DNAH14: variants seen among roughly 807,000 people sequenced by gnomAD.
The protein encoded by DNAH14 is axonemal beta dynein heavy chain 14.
A neutral mutation model predicts 520.9 loss-of-function variants in DNAH14; 478 were observed. The observed-to-expected ratio is 0.92, with a 90% CI of 0.85 to 0.99. The LOEUF (loss-of-function observed/expected upper bound fraction) is 0.99, where lower values mean the gene tolerates loss of function less well. Ranked by LOEUF, DNAH14 falls within the 50% of genes least tolerant of loss-of-function variation. The pLI is 0.00. For missense variants in DNAH14, 4,831 were observed against 5,234.5 expected, an observed-to-expected ratio of 0.92 and a Z score of 2.38; for synonymous variants, 1,581 against 1,757.2, an observed-to-expected ratio of 0.90 and a Z score of 2.51.
At chr1:225,381,344 C>T in intron 80 of DNAH14, 39 bp from the exon 81 acceptor site, 1 of 1,510,840 alleles carries the variant, frequency 6.6e-7, no homozygotes, top group Non-Finnish European at 8.8e-7. Flanking sequence ...TCTTTTTAAT[C>T]TGTAAAATAT....
At chr1:225,174,487 C>A (rs1378941349) in intron 36 of DNAH14, among the ~76,000 whole-genome samples, 1 of 152,092 alleles carries the variant, frequency 6.6e-6, no homozygotes, top group Non-Finnish European at 1.5e-5. Flanking sequence ...TTGCTACTGG[C>A]ATATAGAAAT....
At chr1:225,349,673 C>T (rs1217660081) in intron 71 of DNAH14, among the ~76,000 whole-genome samples, 2 of 151,908 alleles carry the variant, frequency 1.3e-5, no homozygotes, top group South Asian at 2.1e-4. Flanking sequence ...ATGAAGTAAA[C>T]GTGAAATCAA....
At chr1:225,382,956 A>G (rs965572780) in intron 81 of DNAH14, among the ~76,000 whole-genome samples, 11 of 152,236 alleles carry the variant, frequency 7.2e-5, no homozygotes, top group African/African-American at 2.7e-4. Context: ...GGCCATCACA[A>G]AAGACCATAT....
intron 49 of DNAH14, among the ~76,000 whole-genome samples, chr1:225,268,228 C>A (rs1326572785): frequency 6.6e-6 from 1 of 152,060 alleles, no homozygotes; most frequent in East Asian, 1.9e-4. Context: ...AGACAAAAAC[C>A]ACATGATTAT....
Position 225,123,556 on chromosome 1 carries a change from A to C in DNAH14, c.4196A>C (p.Asn1399Thr), listed in dbSNP as rs2077452964. Residue 1399 changes from asparagine (N) to threonine (T), a missense_variant, in exon 27 of 86, where the codon AAC (asparagine) becomes ACC (threonine). By Grantham distance (65) the Asn-to-Thr change is moderately conservative. Transcript: ENST00000682510. ...TTAAGTCAAGGGATTGAAGACTGGA[A>C]CTGCCAGATGTTTTCCCAATGGGTG... is the stretch of plus-strand genomic sequence containing the variant. ...KFLSQGIEDW[N>T]CQMFSQWVLS... 1.1e-5 allele frequency: 5 copies of C among 435,684 alleles called. No individual in the cohort carries two copies. Among genetic ancestry groups the C allele is most frequent in the Non-Finnish European group, 2.4e-5 (5 of 208,774 alleles). 27.0% of individuals were successfully genotyped at this position (435,684 alleles called of 1,614,324 possible). A position where few individuals can be genotyped will look rare whatever the true frequency, so the allele number is the denominator to read the frequency against.
chr1:225,169,314 G>C (rs1277518268), intron 36 of DNAH14, among the ~76,000 whole-genome samples: 8 of 151,524 alleles, frequency 5.3e-5, no homozygotes, highest in Non-Finnish European at 7.4e-5. Flanking sequence ...TTGACGAGTT[G>C]AGAGAAGAAG....
intron 37 of DNAH14, among the ~76,000 whole-genome samples, chr1:225,189,448 G>C (rs1474754681): frequency 2.0e-5 from 3 of 149,704 alleles, no homozygotes; most frequent in Non-Finnish European, 4.4e-5. Context: ...AGTAGGATTG[G>C]TGTTAATTCT....
intron 23 of DNAH14, among the ~76,000 whole-genome samples, chr1:225,103,232 C>T (rs2075683483): frequency 6.6e-6 from 1 of 152,168 alleles, no homozygotes; most frequent in South Asian, 2.1e-4. Flanking sequence ...GGGCTCTGTT[C>T]TGTTCCATTG....
intron 1 of DNAH14, among the ~76,000 whole-genome samples, chr1:224,939,052 G>T (rs978073580): frequency 2.6e-5 from 4 of 151,956 alleles, no homozygotes; most frequent in African/African-American, 7.3e-5. Context: ...AATGGAAAAA[G>T]AATAAATATA....
At chr1:225,265,799 G>C (rs985600795) in intron 48 of DNAH14, among the ~76,000 whole-genome samples, 5 of 151,944 alleles carry the variant, frequency 3.3e-5, no homozygotes, top group Admixed American at 2.0e-4. Context: ...GCCTACATAG[G>C]TAAACTTTAG....
intron 10 of DNAH14, among the ~76,000 whole-genome samples, chr1:225,008,557 G>A (rs76571131): frequency 0.055 from 8,000 of 146,008 alleles, 453 homozygotes; most frequent in East Asian, 0.23. Context: ...TTTCTCTATA[G>A]CATCTGTTTT....
intron 23 of DNAH14, among the ~76,000 whole-genome samples, chr1:225,101,212 A>G (rs1042245699): frequency 2.0e-5 from 3 of 151,416 alleles, no homozygotes; most frequent in African/African-American, 7.3e-5. Flanking sequence ...TTTTTAAAAT[A>G]TTGTTAGTTT....
chr1:225,176,297 A>G (rs1255598207), intron 36 of DNAH14, among the ~76,000 whole-genome samples: 2 of 152,014 alleles, frequency 1.3e-5, no homozygotes, highest in Non-Finnish European at 2.9e-5. Flanking sequence ...GTTTTATTTC[A>G]TTGTTCTCAG....
intron 27 of DNAH14, among the ~76,000 whole-genome samples, chr1:225,128,500 G>T (rs903404512): frequency 1.6e-4 from 25 of 152,180 alleles, no homozygotes; most frequent in African/African-American, 5.5e-4. Context: ...TGGGATGCAA[G>T]GCTGGTTCAA....
intron 15 of DNAH14, 81 bp downstream of exon 15, chr1:225,044,064 C>T (rs546988579): frequency 3.9e-6 from 3 of 769,744 alleles, no homozygotes; most frequent in South Asian, 3.7e-5. Flanking sequence ...ATGCCTTTAC[C>T]CAGGGATGTG....
chr1:225,119,408 TC>T, intron 26 of DNAH14, 114 bp downstream of exon 26: 1 of 664,800 alleles, frequency 1.5e-6, no homozygotes, highest in Admixed American at 4.0e-5. Flanking sequence ...GTGAGAAATA[TC>T]CAGAAAAGAA....
chr1:225,134,088 T>C (rs918640511), intron 27 of DNAH14, among the ~76,000 whole-genome samples: 1 of 152,168 alleles, frequency 6.6e-6, no homozygotes, highest in African/African-American at 2.4e-5. Flanking sequence ...ATCCTGAGAC[T>C]TTGCTGAAGT....
In DNAH14 at chr1:225,211,460, G is replaced by A. The variant is rs550232208; in HGVS notation, c.6439+4240G>A. Among the ~76,000 whole-genome samples the A allele has an allele frequency of 3.9e-5, 6 of 152,136 alleles. No individual in the cohort carries two copies. In the East Asian group the frequency reaches 9.7e-4, roughly 24 times the overall value. Reference sequence around the variant, plus strand: ...GCATTAGGATTAGAGAAAAAAGAATGAAAAGGAATGAACAAAGCCTCCAAG... The same window carrying A: ...GCATTAGGATTAGAGAAAAAAGAATAAAAAGGAATGAACAAAGCCTCCAAG... On this transcript the variant is annotated intron_variant, in intron 41 of 85. Transcript: ENST00000682510.
At chr1:225,362,580 A>G (rs1185979666) in intron 75 of DNAH14, among the ~76,000 whole-genome samples, 1 of 151,998 alleles carries the variant, frequency 6.6e-6, no homozygotes, top group African/African-American at 2.4e-5. Context: ...GTCTCAAAAA[A>G]AAAAAAAAAT....
Sources: gnomAD v4.1 joint callset for allele counts (sites outside exome capture counted in the v4.1 genomes callset) on GRCh38, gnomAD v4.1.1 for gene constraint, MANE v1.5 for transcripts, NCBI Gene and HGNC (gene_info 2026-07-23, HGNC 2026-07-21) for gene names.